The following MICU2 variants were observed in gnomAD, a reference collection of about 807,000 sequenced individuals.
MICU2 encodes the protein mitochondrial calcium uptake 2.
MICU2 carries 64 observed loss-of-function variants against 60.4 expected under a neutral mutation model. The observed-to-expected ratio is 1.06, with a 90% CI of 0.87 to 1.31. The LOEUF (loss-of-function observed/expected upper bound fraction) is 1.31. MICU2 is among the 50% of genes most tolerant of loss of function. MICU2 has a pLI of 0.00. For missense variants in MICU2, 569 were observed against 531.0 expected, an observed-to-expected ratio of 1.07 and a Z score of -0.70; for synonymous variants, 201 against 175.0, an observed-to-expected ratio of 1.15 and a Z score of -1.17.
intron 2 of MICU2, among the ~76,000 whole-genome samples, chr13:21,551,889 A>C (rs528058943): frequency 1.6e-3 from 244 of 152,192 alleles, no homozygotes; most frequent in African/African-American, 5.6e-3. Context: ...TGCCGCAGTA[A>C]ACATACGTGT....
chr13:21,521,139 C>A, intron 6 of MICU2, 106 bp downstream of exon 6: 1 of 888,600 alleles, frequency 1.1e-6, no homozygotes, highest in South Asian at 1.6e-5. Flanking sequence ...CCTGATAGTT[C>A]ATATGTAAAC....
At chr13:21,552,739 T>C (rs920536339) in intron 2 of MICU2, among the ~76,000 whole-genome samples, 2 of 152,196 alleles carry the variant, frequency 1.3e-5, no homozygotes, top group Non-Finnish European at 2.9e-5. Flanking sequence ...CACATAGTTG[T>C]AGATAGGCGG....
At chr13:21,548,706 C>G (rs928400586) in intron 2 of MICU2, among the ~76,000 whole-genome samples, 2 of 152,294 alleles carry the variant, frequency 1.3e-5, no homozygotes, top group African/African-American at 4.8e-5. Context: ...CAATTGACAC[C>G]TGGCATCCCA....
At position 21,548,951 on chromosome 13, in the gene MICU2, G is replaced by A. The variant is rs1887480877; in HGVS notation, c.359-9263C>T. On this transcript the variant is annotated intron_variant, in intron 2 of 11. Coordinates refer to ENST00000382374, the MANE Select transcript of MICU2 (RefSeq NM_152726.3). ...TTTTTTTTTTTTTTTTTTTGGGACG[G>A]AGTCTCCTTCTGTCACCCAGGCTGG... Among the ~76,000 whole-genome samples, 7 of 141,368 alleles carry A rather than the reference G, an allele frequency of 5.0e-5. No individual in the cohort carries two copies. The South Asian group carries it at 1.1e-3, about 23-fold the overall frequency. 92.7% of individuals were successfully genotyped at this position (141,368 alleles called of 152,430 possible).
At chr13:21,577,179 AG>A (rs1314418729) in intron 1 of MICU2, among the ~76,000 whole-genome samples, 3 of 152,266 alleles carry the variant, frequency 2.0e-5, no homozygotes, top group African/African-American at 7.2e-5. Context: ...TTCCTAAAAC[AG>A]ATTTGACTTG....
At chr13:21,514,453 C>T (rs1355947855) in intron 6 of MICU2, 35 bp from the exon 7 acceptor site, 8 of 1,535,970 alleles carry the variant, frequency 5.2e-6, no homozygotes, top group Non-Finnish European at 7.1e-6. Context: ...TACATGTGTG[C>T]CTACCAGATT....
intron 4 of MICU2, among the ~76,000 whole-genome samples, chr13:21,534,010 C>T (rs563140502): frequency 6.6e-6 from 1 of 151,724 alleles, no homozygotes; most frequent in South Asian, 2.1e-4. Flanking sequence ...ATCACTTGAA[C>T]CCGGGAGGTG....
chr13:21,517,164 T>C, intron 6 of MICU2, among the ~76,000 whole-genome samples: 1 of 152,216 alleles, frequency 6.6e-6, no homozygotes, highest in East Asian at 1.9e-4. Flanking sequence ...GATCTGAATG[T>C]TAATAAAACA....
At chr13:21,528,992 T>A (rs1365804698) in intron 4 of MICU2, among the ~76,000 whole-genome samples, 1 of 152,166 alleles carries the variant, frequency 6.6e-6, no homozygotes, top group African/African-American at 2.4e-5. Flanking sequence ...TGGCACACTG[T>A]GCAGAATGGC....
At chr13:21,548,894 G>C (rs1176528697) in intron 2 of MICU2, among the ~76,000 whole-genome samples, 1 of 151,836 alleles carries the variant, frequency 6.6e-6, no homozygotes, top group African/African-American at 2.4e-5. Context: ...TTCCCAGGGT[G>C]GGGGAGGAGA....
At chr13:21,531,114 T>TA (rs2138181387) in intron 4 of MICU2, 1 of 931,362 alleles carries the variant, frequency 1.1e-6, no homozygotes, top group East Asian at 2.4e-5. Context: ...TAGTTCCCCC[T>TA]ACCTAATTGC....
intron 1 of MICU2, among the ~76,000 whole-genome samples, chr13:21,597,514 CTAGA>C (rs760776085): frequency 4.6e-5 from 7 of 152,066 alleles, no homozygotes; most frequent in Non-Finnish European, 8.8e-5. Flanking sequence ...TTCATTCACC[CTAGA>C]TAAACATTTA....
intron 2 of MICU2, among the ~76,000 whole-genome samples, chr13:21,545,251 A>G (rs1413331954): frequency 1.3e-5 from 2 of 152,254 alleles, no homozygotes; most frequent in Non-Finnish European, 2.9e-5. Context: ...ATGGAATGCT[A>G]TTCAGCCATT....
chr13:21,530,425 T>G (rs1256826041), intron 4 of MICU2, among the ~76,000 whole-genome samples: 1 of 150,962 alleles, frequency 6.6e-6, no homozygotes, highest in Non-Finnish European at 1.5e-5. Context: ...ATCACTAAGG[T>G]CTTTCTCCCA....
intron 1 of MICU2, among the ~76,000 whole-genome samples, chr13:21,592,020 C>T (rs912564747): frequency 3.4e-5 from 5 of 148,454 alleles, no homozygotes; most frequent in African/African-American, 7.4e-5. Context: ...ATCAGAGAAG[C>T]GTTGAAGGAG....
chr13:21,533,819 G>C (rs1365716629), intron 4 of MICU2, among the ~76,000 whole-genome samples: 1 of 152,130 alleles, frequency 6.6e-6, no homozygotes, highest in Non-Finnish European at 1.5e-5. Flanking sequence ...TACTACAGTT[G>C]CAGGTCATTA....
Position 21,604,057 on chromosome 13 carries a change from C to A in MICU2, c.92G>T (p.Ser31Ile). Residue 31 changes from serine to isoleucine, a missense_variant, in exon 1 of 12, where the codon AGT becomes ATT. Ser to Ile is a moderately radical substitution (Grantham distance 142). Transcript: ENST00000382374. The stretch of plus-strand genomic sequence containing the variant: ...CACTGCCGCTGCCAAGGGGCCGGGA[C>A]TCCGCACAGCCTGTCGGCTGACAGC... Reference protein sequence around the residue: ...GLAVSRQAVRSPGPLAAAVAG... With the variant: ...GLAVSRQAVRIPGPLAAAVAG... 6.2e-7 allele frequency: 1 copy of A among 1,603,954 alleles called. No homozygotes were observed. The highest frequency in any genetic ancestry group is 1.3e-5 in the African/African-American group (1 of 74,518).
chr13:21,587,274 C>T (rs1400863673), intron 1 of MICU2, among the ~76,000 whole-genome samples: 1 of 152,148 alleles, frequency 6.6e-6, no homozygotes, highest in African/African-American at 2.4e-5. Flanking sequence ...GTGGAGAGGA[C>T]AAAGCCCTAT....
At chr13:21,599,137 G>T (rs1423263055) in intron 1 of MICU2, among the ~76,000 whole-genome samples, 1 of 152,200 alleles carries the variant, frequency 6.6e-6, no homozygotes, top group Non-Finnish European at 1.5e-5. Flanking sequence ...CATCAGTGGA[G>T]AAACTGTCTT....
Sources: allele counts gnomAD v4.1 joint callset (sites outside exome capture counted in the v4.1 genomes callset), GRCh38; gene constraint gnomAD v4.1.1; transcripts MANE v1.5; gene names NCBI Gene and HGNC (gene_info 2026-07-23, HGNC 2026-07-21).